Variants in ACKR3 observed in about 807,000 individuals in gnomAD.
The protein encoded by ACKR3 is atypical chemokine receptor 3.
Under a neutral mutation model 22.4 loss-of-function variants are expected in ACKR3, and 6 were observed. The observed-to-expected ratio is 0.27, with a 90% CI of 0.15 to 0.53. The LOEUF is 0.53. Among genes scored for constraint, ACKR3 ranks in the 20% least tolerant of loss-of-function variants. The pLI, the probability that ACKR3 is intolerant of heterozygous loss-of-function variation, is 0.96. For missense variants in ACKR3, 396 were observed against 475.2 expected (o/e 0.83, Z 1.55); for synonymous variants, 209 against 205.2 (o/e 1.02, Z -0.16).
intron 1 of ACKR3, among the ~76,000 whole-genome samples, chr2:236,571,374 C>T (rs1027382524): frequency 2.0e-5 from 3 of 152,066 alleles, no homozygotes; most frequent in Admixed American, 6.6e-5. Context: ...GGTGGGAAAG[C>T]GAAGGAAGAT....
chr2:236,543,737 A>G, the ACKR3 span, among the ~76,000 whole-genome samples: 2 of 151,966 alleles, frequency 1.3e-5, no homozygotes, highest in Non-Finnish European at 1.5e-5. Context: ...GGTCACTTGT[A>G]TTATCTGGAA....
chr2:236,565,986 C>T (rs571913636), upstream of ACKR3, among the ~76,000 whole-genome samples: 1 of 152,346 alleles, frequency 6.6e-6, no homozygotes, highest in South Asian at 2.1e-4. Context: ...GTCCTCAGGC[C>T]AGCGGCGCAG....
chr2:236,548,811 A>C, the ACKR3 span, among the ~76,000 whole-genome samples: 1 of 152,166 alleles, frequency 6.6e-6, no homozygotes, highest in African/African-American at 2.4e-5. The surrounding 1 kb of genome is among the most constrained non-coding windows in gnomAD (Gnocchi z 4.3). Flanking sequence ...GTATTTATTT[A>C]ATTGTGATTT....
chr2:236,567,537 C>T (rs1691210920), upstream of ACKR3, among the ~76,000 whole-genome samples: 1 of 152,208 alleles, frequency 6.6e-6, no homozygotes, highest in Non-Finnish European at 1.5e-5. Context: ...CTCAAAAAGC[C>T]CTGCTTGCTT....
At position 236,577,262 on chromosome 2, in the gene ACKR3, C is replaced by T. The variant is rs895061797; in HGVS notation, c.-26-3178C>T. On this transcript the variant is annotated intron_variant, in intron 1 of 1. Transcript: ENST00000272928. This position sits in a 1 kb window ranked among gnomAD's most constrained non-coding sequence, Gnocchi z 5.6. ...CCCTTGTTGGAAGTTTCCCACTGTG[C>T]CACCCGGGAGGGGAGAAGCAAGGAC... Among the ~76,000 whole-genome samples the T allele has an allele frequency of 1.3e-5, 2 of 152,226 alleles. No homozygotes were observed. The highest frequency in any genetic ancestry group is 2.9e-5 in the Non-Finnish European group (2 of 68,048).
At chr2:236,551,069 G>A in the ACKR3 span, among the ~76,000 whole-genome samples, 2 of 152,168 alleles carry the variant, frequency 1.3e-5, no homozygotes, top group Non-Finnish European at 1.5e-5. Flanking sequence ...CAGCCCTGTA[G>A]GCACACCTAC....
chr2:236,539,262 C>A, the ACKR3 span, among the ~76,000 whole-genome samples: 1 of 147,750 alleles, frequency 6.8e-6, no homozygotes, highest in Non-Finnish European at 1.5e-5. Flanking sequence ...GTGTCTCTCT[C>A]TCTCTCTCTC....
Position 236,581,810 on chromosome 2 carries a change from A to G in ACKR3, c.*256A>G. ...CTGTGCGTCAGAGCCAGCTGAGGAC[A>G]GGCTTGCCTGGACTTCTGTAAGATA... is the stretch of plus-strand genomic sequence containing the variant. On this transcript the variant is annotated 3_prime_UTR_variant, in exon 2 of 2. Transcript: ENST00000272928. This position sits in a 1 kb window ranked among gnomAD's most constrained non-coding sequence, Gnocchi z 4.4. The G allele has an allele frequency of 2.8e-6, 1 of 357,454 alleles. No homozygotes were observed. The highest frequency in any genetic ancestry group is 5.3e-6 in the Non-Finnish European group (1 of 190,172). The allele number at this position is 357,454 out of a possible 1,614,324, so 22.1% of individuals were successfully genotyped here. A position where few individuals can be genotyped will look rare whatever the true frequency, so the allele number is the denominator to read the frequency against.
chr2:236,537,375 A>G, the ACKR3 span, among the ~76,000 whole-genome samples: 3 of 152,178 alleles, frequency 2.0e-5, no homozygotes, highest in Non-Finnish European at 4.4e-5. Context: ...GCCTAGTACA[A>G]GGATTGTTAC....
intron 1 of ACKR3, among the ~76,000 whole-genome samples, chr2:236,570,129 T>C (rs1691277536): frequency 6.6e-6 from 1 of 152,242 alleles, no homozygotes; most frequent in African/African-American, 2.4e-5. Flanking sequence ...CACCTTTCTC[T>C]TCAGAAAGCA....
intron 1 of ACKR3, among the ~76,000 whole-genome samples, chr2:236,570,305 C>T (rs1691280404): frequency 6.6e-6 from 1 of 152,212 alleles, no homozygotes; most frequent in African/African-American, 2.4e-5. Context: ...ATTAGCTTGG[C>T]ACCCACTGTT....
rs1691539610 is a variant in ACKR3 at position 236,581,603 on chromosome 2, T to C, written c.*49T>C. 1 of 1,572,380 alleles carries C rather than the reference T, an allele frequency of 6.4e-7. No individual in the cohort carries two copies. Among genetic ancestry groups the C allele is most frequent in the South Asian group, 1.2e-5 (1 of 84,246 alleles). ...CGGGTTTACTTGTTTTTGAACAGGGTGATGGGCCCTATGGTTTTCTAGAGC... is the reference window on the plus strand; with the variant it reads ...CGGGTTTACTTGTTTTTGAACAGGGCGATGGGCCCTATGGTTTTCTAGAGC... On this transcript the variant is annotated 3_prime_UTR_variant, in exon 2 of 2. Transcript: ENST00000272928. This position sits in a 1 kb window ranked among gnomAD's most constrained non-coding sequence, Gnocchi z 4.4.
chr2:236,558,449 G>C, the ACKR3 span, among the ~76,000 whole-genome samples: 2 of 152,086 alleles, frequency 1.3e-5, no homozygotes, highest in African/African-American at 4.8e-5. Flanking sequence ...TCTTTTTCTA[G>C]TTTTGGCCTG....
the ACKR3 span, among the ~76,000 whole-genome samples, chr2:236,560,009 G>C: frequency 6.6e-6 from 1 of 152,084 alleles, no homozygotes; most frequent in Non-Finnish European, 1.5e-5. Flanking sequence ...CTATTTTTAG[G>C]TTCTTTGCAT....
chr2:236,557,103 G>A, the ACKR3 span, among the ~76,000 whole-genome samples: 16 of 152,358 alleles, frequency 1.1e-4, no homozygotes, highest in African/African-American at 3.8e-4. Flanking sequence ...GAGGACAATG[G>A]AAGCTAGGTC....
intron 1 of ACKR3, among the ~76,000 whole-genome samples, chr2:236,578,826 G>A (rs1475506163): frequency 6.6e-6 from 1 of 152,198 alleles, no homozygotes; most frequent in Non-Finnish European, 1.5e-5. Flanking sequence ...TGAGAGCCAG[G>A]TTTCCAGGGG....
intron 1 of ACKR3, among the ~76,000 whole-genome samples, chr2:236,571,543 A>G (rs2106499745): frequency 6.6e-6 from 1 of 151,622 alleles, no homozygotes; most frequent in East Asian, 2.0e-4. Context: ...TATTAACAGC[A>G]AGTCGTTGAA....
chr2:236,566,904 C>CTCTT (rs907648533), upstream of ACKR3, among the ~76,000 whole-genome samples: 2 of 145,072 alleles, frequency 1.4e-5, no homozygotes, highest in African/African-American at 2.5e-5. Context: ...CTGTCTCTCC[C>CTCTT]TCTTTCTTTC....
At chr2:236,561,001 G>A in the ACKR3 span, among the ~76,000 whole-genome samples, 1 of 152,184 alleles carries the variant, frequency 6.6e-6, no homozygotes, top group Non-Finnish European at 1.5e-5. Flanking sequence ...TCTGATATAC[G>A]TGACAACATG....
Sources: allele counts gnomAD v4.1 joint callset (sites outside exome capture counted in the v4.1 genomes callset), GRCh38; gene constraint gnomAD v4.1.1; non-coding constraint Gnocchi (gnomAD v3.1); transcripts MANE v1.5; gene names NCBI Gene and HGNC (gene_info 2026-07-23, HGNC 2026-07-21).